Variants in STARD3 observed in about 807,000 individuals in gnomAD.
STARD3 encodes StAR related lipid transfer domain containing 3, also known as stAR-related lipid transfer protein 3.
A neutral mutation model predicts 62.0 loss-of-function variants in STARD3; 39 were observed. The ratio of observed to expected loss-of-function variants is 0.63; its 90% CI spans 0.49 to 0.82. The LOEUF is 0.82. Among genes scored for constraint, STARD3 ranks in the 40% least tolerant of loss-of-function variants. The probability of loss-of-function intolerance (pLI) is 0.00; values close to 1 mark genes in which losing one functional copy is unlikely to be tolerated. For missense variants in STARD3, 543 were observed against 584.5 expected (o/e 0.93, Z 0.73); for synonymous variants, 229 against 242.4 (o/e 0.94, Z 0.51).
intron 14 of STARD3, 67 bp downstream of exon 14, chr17:39,662,411 G>T (rs749748244): frequency 6.7e-7 from 1 of 1,486,732 alleles, no homozygotes; most frequent in Non-Finnish European, 9.3e-7. Context: ...TGACTTGGTT[G>T]CTGCATGACT....
chr17:39,654,343 A>C (rs2057106887), intron 2 of STARD3, among the ~76,000 whole-genome samples: 1 of 152,222 alleles, frequency 6.6e-6, no homozygotes, highest in Non-Finnish European at 1.5e-5. Context: ...CTGAGGCTGC[A>C]GTGACCCATG....
chr17:39,660,046 T>C lies in STARD3; in HGVS notation c.796-165T>C, dbSNP rs2057177870. ...GCCTCTCTCCTGCCAGTGCCATAGGTTTGTTAGAGCTACTGTTTTGTAACA... is the reference window on the plus strand; with the variant it reads ...GCCTCTCTCCTGCCAGTGCCATAGGCTTGTTAGAGCTACTGTTTTGTAACA... On this transcript the variant is annotated intron_variant, in intron 9 of 14. Coordinates refer to ENST00000336308, the MANE Select transcript of STARD3 (RefSeq NM_006804.4). This position sits in a 1 kb window ranked among gnomAD's most constrained non-coding sequence, Gnocchi z 4.8. The C allele has an allele frequency of 1.5e-6, 1 of 653,400 alleles. No homozygotes were observed. The highest frequency in any genetic ancestry group is 2.7e-5 in the East Asian group (1 of 36,838). 40.5% of individuals were successfully genotyped at this position (653,400 alleles called of 1,614,324 possible).
intron 4 of STARD3, 48 bp downstream of exon 4, chr17:39,657,900 G>A (rs62077535): frequency 1.1e-5 from 18 of 1,613,632 alleles, no homozygotes; most frequent in Admixed American, 1.7e-5. Flanking sequence ...CAGGGCTGGT[G>A]GAAGGGATGG....
chr17:39,662,391 A>C (rs1597802316), intron 14 of STARD3, 47 bp downstream of exon 14: 1 of 1,568,800 alleles, frequency 6.4e-7, no homozygotes, highest in Non-Finnish European at 8.7e-7. Flanking sequence ...AGTGGAGGGG[A>C]CCCTGCTGCT....
At chr17:39,655,804 G>GC (rs2057121908) in intron 2 of STARD3, among the ~76,000 whole-genome samples, 2 of 152,130 alleles carry the variant, frequency 1.3e-5, no homozygotes, top group African/African-American at 2.4e-5. Context: ...GTCGTGCTGA[G>GC]CAGGGGGTTT....
In STARD3 at chr17:39,660,163, A is replaced by C. The variant is rs1024386884; in HGVS notation, c.796-48A>C. Reference sequence around the variant, plus strand: ...TCACCCATTTCTGTGCCACCAGCCCACCCCCTGCCTCCACTCTCCTCCCTG... The same window carrying C: ...TCACCCATTTCTGTGCCACCAGCCCCCCCCCTGCCTCCACTCTCCTCCCTG... On this transcript the variant is annotated intron_variant, in intron 9 of 14. Coordinates refer to ENST00000336308, the MANE Select transcript of STARD3 (RefSeq NM_006804.4). The surrounding 1 kb of genome is among the most constrained non-coding windows in gnomAD (Gnocchi z 4.8). The C allele has an allele frequency of 1.2e-6, 2 of 1,602,640 alleles. No homozygotes were observed. The highest frequency in any genetic ancestry group is 1.7e-6 in the Non-Finnish European group (2 of 1,170,668).
intron 1 of STARD3, among the ~76,000 whole-genome samples, chr17:39,641,263 C>G (rs2056980657): frequency 6.6e-6 from 1 of 152,136 alleles, no homozygotes; most frequent in Non-Finnish European, 1.5e-5. Flanking sequence ...GTGGCTGTGA[C>G]TTGGACCTCA....
chr17:39,639,276 G>A (rs771785931), intron 1 of STARD3, among the ~76,000 whole-genome samples: 2 of 152,202 alleles, frequency 1.3e-5, no homozygotes, highest in African/African-American at 4.8e-5. Context: ...GAGGACACTG[G>A]GGGCAGGGTC....
chr17:39,647,113 C>T (rs968798521), intron 1 of STARD3, among the ~76,000 whole-genome samples: 3 of 151,896 alleles, frequency 2.0e-5, no homozygotes, highest in Non-Finnish European at 4.4e-5. Flanking sequence ...GCAGGAGAAT[C>T]GCTTGCACCT....
chr17:39,660,058 A>G lies in STARD3; in HGVS notation c.796-153A>G. On this transcript the variant is annotated intron_variant, in intron 9 of 14. Transcript: ENST00000336308. The surrounding 1 kb of genome is among the most constrained non-coding windows in gnomAD (Gnocchi z 4.8). ...CCAGTGCCATAGGTTTGTTAGAGCT[A>G]CTGTTTTGTAACAGCTGCTCAGGTG... 1 of 697,436 alleles carries G rather than the reference A, an allele frequency of 1.4e-6. No homozygotes were observed. The highest frequency in any genetic ancestry group is 2.5e-6 in the Non-Finnish European group (1 of 394,938). The allele number at this position is 697,436 out of a possible 1,614,324, so 43.2% of individuals were successfully genotyped here.
At position 39,660,161 on chromosome 17, in the gene STARD3, C is replaced by A; in HGVS notation, c.796-50C>A. The A allele has an allele frequency of 6.2e-7, 1 of 1,602,248 alleles. No homozygotes were observed. Among genetic ancestry groups the A allele is most frequent in the Non-Finnish European group, 8.6e-7 (1 of 1,169,536 alleles). ...TGTCACCCATTTCTGTGCCACCAGC[C>A]CACCCCCTGCCTCCACTCTCCTCCC... On this transcript the variant is annotated intron_variant, in intron 9 of 14. Transcript: ENST00000336308. The surrounding 1 kb of genome is among the most constrained non-coding windows in gnomAD (Gnocchi z 4.8).
chr17:39,655,131 T>C lies in STARD3; in HGVS notation c.219+1381T>C, dbSNP rs115023018. 8.7e-3 allele frequency among the ~76,000 whole-genome samples: 1,325 copies of C among 152,384 alleles called. 18 individuals are homozygous for C. The highest frequency in any genetic ancestry group is 0.031 in the African/African-American group (1,273 of 41,594). The stretch of plus-strand genomic sequence containing the variant: ...CACTAAAACTTACCTGCATCCTTCA[T>C]TGAATACTTGTTTCCTTACCCAAAA... On this transcript the variant is annotated intron_variant, in intron 2 of 14. Coordinates refer to ENST00000336308, the MANE Select transcript of STARD3 (RefSeq NM_006804.4).
Position 39,661,041 on chromosome 17 carries a change from C to T in STARD3, c.1095C>T (p.Ile365=), listed in dbSNP as rs552844445. The change falls in exon 13 of 15, where the codon ATC becomes ATT. Residue 365 remains isoleucine (I), a synonymous_variant. Transcript: ENST00000336308. ...RRRDRYLSSG[I]ATSHSAKPPT... ...GGGACCGATACTTGTCATCAGGGAT[C>T]GCCACCTCACACAGTGCCAAGCCCC... The T allele has an allele frequency of 1.8e-5, 29 of 1,613,738 alleles. No individual in the cohort carries two copies. The highest frequency in any genetic ancestry group is 5.3e-5 in the African/African-American group (4 of 75,030).
chr17:39,662,024 CCGT>C (rs2057204642), intron 13 of STARD3, among the ~76,000 whole-genome samples: 1 of 152,050 alleles, frequency 6.6e-6, no homozygotes, highest in African/African-American at 2.4e-5. Context: ...CACCAACAGG[CCGT>C]TGTAGGAGGA....
At chr17:39,639,307 T>G (rs578074309) in intron 1 of STARD3, among the ~76,000 whole-genome samples, 17 of 152,212 alleles carry the variant, frequency 1.1e-4, no homozygotes, top group Non-Finnish European at 1.8e-4. Context: ...GAGTGAAGAT[T>G]CAAGAGTGAA....
chr17:39,654,599 C>T (rs532395263), intron 2 of STARD3, among the ~76,000 whole-genome samples: 2 of 149,008 alleles, frequency 1.3e-5, no homozygotes, highest in Non-Finnish European at 3.0e-5. Context: ...CCAGGCAGGG[C>T]CAAGCCCACA....
At chr17:39,658,971 A>G in intron 7 of STARD3, 80 bp from the exon 8 acceptor site, 1 of 1,585,964 alleles carries the variant, frequency 6.3e-7, no homozygotes. Context: ...ACATCCTTGC[A>G]CTCACATACC....
intron 14 of STARD3, 45 bp from the exon 15 acceptor site, chr17:39,662,759 C>A: frequency 6.5e-7 from 1 of 1,547,016 alleles, no homozygotes; most frequent in Non-Finnish European, 8.8e-7. Context: ...GGAGACCCTG[C>A]TGAGGGCAGG....
chr17:39,662,451 C>A, intron 14 of STARD3, 107 bp downstream of exon 14: 1 of 1,099,026 alleles, frequency 9.1e-7, no homozygotes, highest in Non-Finnish European at 1.3e-6. Context: ...CCTGGGCCTC[C>A]CCTTTGTCAG....
Sources: allele counts gnomAD v4.1 joint callset (sites outside exome capture counted in the v4.1 genomes callset), GRCh38; gene constraint gnomAD v4.1.1; non-coding constraint Gnocchi (gnomAD v3.1); transcripts MANE v1.5; gene names NCBI Gene and HGNC (gene_info 2026-07-23, HGNC 2026-07-21).